Variants in KCNK10 observed in about 807,000 individuals in gnomAD.
The protein encoded by KCNK10 is potassium channel subfamily K member 10.
KCNK10 carries 25 observed loss-of-function variants against 47.7 expected under a neutral mutation model. The observed-to-expected ratio is 0.52, with a 90% CI of 0.38 to 0.73. KCNK10 has a LOEUF of 0.73. KCNK10 is among the 30% of genes least tolerant of loss of function. The pLI is 0.00. For synonymous variants in KCNK10, 303 were observed against 285.6 expected, an observed-to-expected ratio of 1.06 and a Z score of -0.61; for missense variants, 563 against 714.5, an observed-to-expected ratio of 0.79 and a Z score of 2.42.
intron 2 of KCNK10, among the ~76,000 whole-genome samples, chr14:88,243,704 T>C (rs541402498): frequency 1.3e-5 from 2 of 152,154 alleles, no homozygotes; most frequent in African/African-American, 4.8e-5. Context: ...AAAAGGTTGA[T>C]TTTTATACCC....
At chr14:88,246,010 G>T (rs144534651) in intron 2 of KCNK10, among the ~76,000 whole-genome samples, 107 of 152,296 alleles carry the variant, frequency 7.0e-4, no homozygotes, top group African/African-American at 2.5e-3. Context: ...ATGAATTGGA[G>T]ATTTAGCCAG....
chr14:88,312,882 C>G (rs1184279121), intron 1 of KCNK10, among the ~76,000 whole-genome samples: 1 of 152,180 alleles, frequency 6.6e-6, no homozygotes, highest in Non-Finnish European at 1.5e-5. Context: ...AAATCATCAT[C>G]ATGCTCACTG....
At chr14:88,217,732 T>G (rs958830483) in intron 4 of KCNK10, among the ~76,000 whole-genome samples, 4 of 151,336 alleles carry the variant, frequency 2.6e-5, no homozygotes, top group Non-Finnish European at 5.9e-5. Context: ...TTTGAATCTT[T>G]TTTTTTTTGA....
chr14:88,256,488 G>C (rs1041723276), intron 2 of KCNK10, among the ~76,000 whole-genome samples: 1 of 152,028 alleles, frequency 6.6e-6, no homozygotes, highest in African/African-American at 2.4e-5. Flanking sequence ...TCTCCAGTAA[G>C]ACGAAGGATA....
chr14:88,215,839 G>A (rs904479586), intron 4 of KCNK10, among the ~76,000 whole-genome samples: 2 of 152,118 alleles, frequency 1.3e-5, no homozygotes, highest in African/African-American at 2.4e-5. Flanking sequence ...ATTTTAAGTA[G>A]TTCTATTTTA....
chr14:88,306,088 G>A (rs1888197396), intron 1 of KCNK10, among the ~76,000 whole-genome samples: 1 of 152,228 alleles, frequency 6.6e-6, no homozygotes, highest in African/African-American at 2.4e-5. Flanking sequence ...AGCTGAAGTG[G>A]TGCGAGCAGG....
chr14:88,287,510 G>A (rs1887787722), intron 1 of KCNK10, among the ~76,000 whole-genome samples: 1 of 152,124 alleles, frequency 6.6e-6, no homozygotes, highest in African/African-American at 2.4e-5. Context: ...CAATGAGGAT[G>A]CCTTTGCATC....
intron 4 of KCNK10, among the ~76,000 whole-genome samples, chr14:88,214,219 T>C (rs1885548833): frequency 1.3e-5 from 2 of 152,034 alleles, no homozygotes; most frequent in Non-Finnish European, 2.9e-5. Context: ...GATTACAGGC[T>C]TGAGTCACCA....
intron 1 of KCNK10, among the ~76,000 whole-genome samples, chr14:88,265,055 C>T (rs534334748): frequency 6.6e-6 from 1 of 152,326 alleles, no homozygotes; most frequent in East Asian, 1.9e-4. Context: ...CAGCAGCCTC[C>T]CAAGGGGCCT....
chr14:88,293,409 C>T (rs1312282390), intron 1 of KCNK10, among the ~76,000 whole-genome samples: 1 of 151,386 alleles, frequency 6.6e-6, no homozygotes, highest in Admixed American at 6.6e-5. Context: ...CCATTCTTAC[C>T]TATCTCAAGA....
At chr14:88,310,735 CA>C (rs1391638413) in intron 1 of KCNK10, among the ~76,000 whole-genome samples, 2 of 152,164 alleles carry the variant, frequency 1.3e-5, no homozygotes, top group Non-Finnish European at 2.9e-5. Context: ...ACACAACTAG[CA>C]GGGGGTCCCA....
In KCNK10 at chr14:88,181,088, T is replaced by A. The variant is rs1327932585; in HGVS notation, c.*4447A>T. On this transcript the variant is annotated 3_prime_UTR_variant, in exon 7 of 7. Coordinates refer to ENST00000319231, the MANE Select transcript of KCNK10 (RefSeq NM_138317.3). The stretch of plus-strand genomic sequence containing the variant: ...ACACTGGCTGGTTTTTCCTTTCTCG[T>A]TTTACAGGGGCTCTGAATGTTTGTT... 1 of 354,692 alleles carries A rather than the reference T, an allele frequency of 2.8e-6. No homozygotes were observed. The highest frequency in any genetic ancestry group is 5.0e-6 in the Non-Finnish European group (1 of 198,952). The allele number at this position is 354,692 out of a possible 1,614,324, so 22.0% of individuals were successfully genotyped here.
At chr14:88,192,541 T>C in intron 4 of KCNK10, 131 bp from the exon 5 acceptor site, 2 of 731,062 alleles carry the variant, frequency 2.7e-6, no homozygotes, top group South Asian at 4.1e-5. Context: ...TTGGAGGAAA[T>C]TTGATGAACG....
chr14:88,258,607 C>T (rs1244074751), intron 2 of KCNK10, among the ~76,000 whole-genome samples: 2 of 152,172 alleles, frequency 1.3e-5, no homozygotes, highest in Non-Finnish European at 1.5e-5. Context: ...TTCTTTCTCT[C>T]CCCAACACCT....
At chr14:88,273,133 A>G (rs1286121497) in intron 1 of KCNK10, among the ~76,000 whole-genome samples, 1 of 152,168 alleles carries the variant, frequency 6.6e-6, no homozygotes, top group African/African-American at 2.4e-5. Flanking sequence ...GAAGTGGTCC[A>G]GAGGGAGATG....
chr14:88,235,738 C>A (rs565636304), intron 3 of KCNK10, among the ~76,000 whole-genome samples: 62 of 152,098 alleles, frequency 4.1e-4, no homozygotes, highest in African/African-American at 1.5e-3. Context: ...AGAAGATGAG[C>A]AAAGAAGTTA....
chr14:88,317,019 A>G (rs529061466), intron 1 of KCNK10, among the ~76,000 whole-genome samples: 40 of 152,300 alleles, frequency 2.6e-4, no homozygotes, highest in African/African-American at 9.6e-4. Flanking sequence ...CTCAGTCTTA[A>G]TTCAACCCAG....
At position 88,320,935 on chromosome 14, in the gene KCNK10, A is replaced by C. The variant is rs985116882; in HGVS notation, c.52+1812T>G. 9.7e-4 allele frequency among the ~76,000 whole-genome samples: 147 copies of C among 152,298 alleles called. 1 individual carries two copies. Among genetic ancestry groups the C allele is most frequent in the Non-Finnish European group, 2.5e-4 (17 of 68,018 alleles). On this transcript the variant is annotated intron_variant, in intron 1 of 6. Transcript: ENST00000319231. ...GGGGCGTCTCGCCTGTGGATCCCCC[A>C]GTCATATCTCAAAACACAAGCCCTC...
intron 2 of KCNK10, among the ~76,000 whole-genome samples, chr14:88,242,154 A>C (rs1323772061): frequency 6.6e-6 from 1 of 152,224 alleles, no homozygotes; most frequent in Admixed American, 6.5e-5. Context: ...ATTTATCCTA[A>C]GTAATGCCCA....
Sources: gnomAD v4.1 joint callset for allele counts (sites outside exome capture counted in the v4.1 genomes callset) on GRCh38, gnomAD v4.1.1 for gene constraint, MANE v1.5 for transcripts, NCBI Gene and HGNC (gene_info 2026-07-23, HGNC 2026-07-21) for gene names.